Variants in APBA2 observed in about 807,000 individuals in gnomAD.
APBA2 encodes amyloid beta precursor protein binding family A member 2.
Under a neutral mutation model 75.0 loss-of-function variants are expected in APBA2, and 30 were observed. The observed-to-expected ratio is 0.40, with a 90% confidence interval of 0.30 to 0.54. APBA2 has a LOEUF of 0.54. Among genes scored for constraint, APBA2 ranks in the 20% least tolerant of loss-of-function variants. The probability of loss-of-function intolerance (pLI) is 0.49; values close to 1 mark genes in which losing one functional copy is unlikely to be tolerated. For missense variants in APBA2, 801 were observed against 1,016.1 expected, an observed-to-expected ratio of 0.79 and a Z score of 2.88; for synonymous variants, 444 against 409.6, an observed-to-expected ratio of 1.08 and a Z score of -1.01.
intron 3 of APBA2, among the ~76,000 whole-genome samples, chr15:29,035,308 T>C (rs995200549): frequency 1.3e-5 from 2 of 152,094 alleles, no homozygotes; most frequent in African/African-American, 4.8e-5. Context: ...AATTAGTAAA[T>C]AGCCATCAGA....
chr15:29,008,593 T>C (rs983932596), intron 3 of APBA2, among the ~76,000 whole-genome samples: 2 of 152,076 alleles, frequency 1.3e-5, no homozygotes, highest in African/African-American at 4.8e-5. Context: ...CTAGGTGTCC[T>C]AGCTACTCAG....
At chr15:29,031,075 C>T (rs2040465237) in intron 3 of APBA2, among the ~76,000 whole-genome samples, 1 of 151,802 alleles carries the variant, frequency 6.6e-6, no homozygotes, top group Admixed American at 6.6e-5. Flanking sequence ...CCATATGAGC[C>T]TTCTTTTTAT....
At chr15:28,912,134 T>C (rs2033458451) in intron 1 of APBA2, among the ~76,000 whole-genome samples, 1 of 152,214 alleles carries the variant, frequency 6.6e-6, no homozygotes, top group Admixed American at 6.5e-5. Context: ...ATGGGCTTAA[T>C]ATGAAATTAT....
intron 3 of APBA2, among the ~76,000 whole-genome samples, chr15:29,005,681 A>G (rs879543158): frequency 5.9e-5 from 9 of 152,136 alleles, no homozygotes; most frequent in Non-Finnish European, 1.0e-4. Flanking sequence ...CCTGGCCAAC[A>G]TGGTGCAACC....
chr15:28,926,340 A>G (rs975433851), intron 2 of APBA2, among the ~76,000 whole-genome samples: 1 of 152,194 alleles, frequency 6.6e-6, no homozygotes, highest in African/African-American at 2.4e-5. Flanking sequence ...TAAAAGTTTT[A>G]CAATATATGT....
In APBA2 at chr15:28,952,739, A is replaced by G. The variant is rs184844130; in HGVS notation, c.-95+30990A>G. Among the ~76,000 whole-genome samples the G allele has an allele frequency of 2.6e-5, 4 of 152,344 alleles. No individual in the cohort carries two copies. The East Asian group carries it at 7.7e-4, about 29-fold the overall frequency. ...TTGTTATGATATTTTCAAACTTTGT[A>G]GAAATGATACCTTACTGTGTTCCTA... is the stretch of plus-strand genomic sequence containing the variant. On this transcript the variant is annotated intron_variant, in intron 2 of 14. Transcript: ENST00000683413.
chr15:29,007,039 G>T (rs2039154296), intron 3 of APBA2, among the ~76,000 whole-genome samples: 1 of 152,188 alleles, frequency 6.6e-6, no homozygotes. Context: ...TCAAAACAAT[G>T]TAGTAGTTGC....
chr15:29,109,521 G>A lies in APBA2; in HGVS notation c.2037+1132G>A, dbSNP rs145586232. Among the ~76,000 whole-genome samples the A allele has an allele frequency of 1.6e-3, 251 of 152,286 alleles. 1 individual carries two copies. The highest frequency in any genetic ancestry group is 5.9e-3 in the African/African-American group (244 of 41,566). Reference sequence around the variant, plus strand: ...AGCTGGGCTTTGGCAGCCCCCACTGGGTGCTCTGTGTCTCGCTGGCACTGC... The same window carrying A: ...AGCTGGGCTTTGGCAGCCCCCACTGAGTGCTCTGTGTCTCGCTGGCACTGC... On this transcript the variant is annotated intron_variant, in intron 13 of 14. Transcript: ENST00000683413.
chr15:29,085,880 G>A (rs888344393), intron 6 of APBA2, among the ~76,000 whole-genome samples: 5 of 152,130 alleles, frequency 3.3e-5, no homozygotes, highest in African/African-American at 1.2e-4. Flanking sequence ...TTGTAGATTT[G>A]GTGAGAGTGT....
At chr15:29,094,011 C>T (rs761425496) in intron 7 of APBA2, among the ~76,000 whole-genome samples, 1 of 152,248 alleles carries the variant, frequency 6.6e-6, no homozygotes, top group African/African-American at 2.4e-5. Context: ...GAGCTCAGCT[C>T]CCCTTCCTGC....
intron 2 of APBA2, among the ~76,000 whole-genome samples, chr15:28,936,169 G>A (rs868532002): frequency 2.4e-4 from 37 of 152,278 alleles, no homozygotes; most frequent in Middle Eastern, 3.4e-3. Flanking sequence ...TGGAAGACGT[G>A]ATGGTTTTGC....
At chr15:28,922,990 C>G (rs2034057308) in intron 2 of APBA2, among the ~76,000 whole-genome samples, 1 of 152,222 alleles carries the variant, frequency 6.6e-6, no homozygotes, top group South Asian at 2.1e-4. Context: ...AGTCACCACA[C>G]CACGCCCTGT....
intron 3 of APBA2, among the ~76,000 whole-genome samples, chr15:29,034,503 G>A (rs2040646330): frequency 6.6e-6 from 1 of 152,194 alleles, no homozygotes; most frequent in African/African-American, 2.4e-5. Flanking sequence ...AATAAAGAGT[G>A]GGGCTTGGGG....
intron 3 of APBA2, among the ~76,000 whole-genome samples, chr15:29,038,079 GGCT>G (rs1160453471): frequency 6.6e-6 from 1 of 152,188 alleles, no homozygotes; most frequent in African/African-American, 2.4e-5. Flanking sequence ...TCCACTCTCT[GGCT>G]GGCACCTCTG....
chr15:29,114,315 C>T (rs1265532556), intron 14 of APBA2, among the ~76,000 whole-genome samples: 3 of 152,224 alleles, frequency 2.0e-5, no homozygotes, highest in African/African-American at 4.8e-5. Flanking sequence ...ACAGCTCTGG[C>T]CACCCTGGCA....
intron 13 of APBA2, 139 bp from the exon 14 acceptor site, chr15:29,113,737 T>C (rs2044874591): frequency 1.9e-6 from 2 of 1,062,170 alleles, no homozygotes; most frequent in African/African-American, 1.6e-5. Flanking sequence ...AGGATCTCTG[T>C]CTGTGAGTCA....
intron 6 of APBA2, among the ~76,000 whole-genome samples, chr15:29,080,970 G>A (rs1405074395): frequency 6.6e-6 from 1 of 152,174 alleles, no homozygotes; most frequent in Non-Finnish European, 1.5e-5. Context: ...CCAGGCCTTA[G>A]GGTCCTGGGG....
At chr15:28,944,838 G>A (rs1005742618) in intron 2 of APBA2, among the ~76,000 whole-genome samples, 3 of 152,240 alleles carry the variant, frequency 2.0e-5, no homozygotes, top group Non-Finnish European at 4.4e-5. Flanking sequence ...GGTCCGGGCA[G>A]CACTGCAGCC....
At chr15:29,012,987 G>A (rs2039472911) in intron 3 of APBA2, among the ~76,000 whole-genome samples, 1 of 152,012 alleles carries the variant, frequency 6.6e-6, no homozygotes, top group East Asian at 1.9e-4. Flanking sequence ...CATGATCTCA[G>A]CCCCTCAAGT....
Sources: gnomAD v4.1 joint callset for allele counts (sites outside exome capture counted in the v4.1 genomes callset) on GRCh38, gnomAD v4.1.1 for gene constraint, MANE v1.5 for transcripts, NCBI Gene and HGNC (gene_info 2026-07-23, HGNC 2026-07-21) for gene names.